ABCE1: variants seen among roughly 807,000 people sequenced by gnomAD.
ABCE1 encodes the protein ATP binding cassette subfamily E member 1, also known as ATP-binding cassette sub-family E member 1.
Under a neutral mutation model 83.4 loss-of-function variants are expected in ABCE1, and 22 were observed. The observed-to-expected ratio is 0.26, with a 90% CI of 0.19 to 0.38. The LOEUF (loss-of-function observed/expected upper bound fraction) is 0.38. ABCE1 is among the 10% of genes least tolerant of loss of function. The pLI, the probability that ABCE1 is intolerant of heterozygous loss-of-function variation, is 1.00. For synonymous variants in ABCE1, 204 were observed against 233.7 expected, an observed-to-expected ratio of 0.87 and a Z score of 1.16; for missense variants, 330 against 721.9, an observed-to-expected ratio of 0.46 and a Z score of 6.22.
chr4:145,117,272 A>G (rs750187162), intron 9 of ABCE1, 21 bp from the exon 10 acceptor site: 1 of 1,586,056 alleles, frequency 6.3e-7, no homozygotes, highest in Non-Finnish European at 8.6e-7. Flanking sequence ...AGTTTTAACT[A>G]AAATCTGGTT....
Position 145,104,387 on chromosome 4 carries a change from A to C in ABCE1, c.-26A>C. 5 of 1,489,074 alleles carry C rather than the reference A, an allele frequency of 3.4e-6. No homozygotes were observed. Among genetic ancestry groups the C allele is most frequent in the Non-Finnish European group, 4.6e-6 (5 of 1,087,976 alleles). 92.2% of individuals were successfully genotyped at this position (1,489,074 alleles called of 1,614,324 possible). A position where few individuals can be genotyped will look rare whatever the true frequency, so the allele number is the denominator to read the frequency against. ...AATTTGTTGATTTTTCTTTCATAGA[A>C]GAGCTGGATATTCTTTCGCCCAGTT... On this transcript the variant is annotated splice_region_variant and 5_prime_UTR_variant, in exon 2 of 18. Coordinates refer to ENST00000296577, the MANE Select transcript of ABCE1 (RefSeq NM_002940.3).
At chr4:145,120,280 A>G (rs749634675) in intron 11 of ABCE1, 127 bp downstream of exon 11, 173 of 774,258 alleles carry the variant, frequency 2.2e-4, no homozygotes, top group Admixed American at 6.9e-4. Flanking sequence ...TTAAACCCAC[A>G]AATTTCTTAG....
intron 9 of ABCE1, among the ~76,000 whole-genome samples, chr4:145,116,307 G>C (rs1024350614): frequency 6.6e-6 from 1 of 151,724 alleles, no homozygotes; most frequent in Admixed American, 6.6e-5. Flanking sequence ...CACATCAGGG[G>C]ACCTAAAGAA....
rs2126710008 is a variant in ABCE1 at position 145,117,380 on chromosome 4, T to C, written c.888T>C (p.Tyr296=). 6.2e-7 allele frequency: 1 copy of C among 1,611,362 alleles called. No individual in the cohort carries two copies. The highest frequency in any genetic ancestry group is 8.5e-7 in the Non-Finnish European group (1 of 1,178,298). Residue 296 remains tyrosine (Y), a synonymous_variant, in exon 10 of 18, where the codon TAT becomes TAC. Coordinates refer to ENST00000296577, the MANE Select transcript of ABCE1 (RefSeq NM_002940.3). ...ICCLYGVPSA[Y]GVVTMPFSVR... ...GTTTATATGGTGTACCAAGCGCCTA[T>C]GGAGTTGTCACTATGCCTTTTAGTG...
intron 4 of ABCE1, 104 bp downstream of exon 4, chr4:145,108,216 C>G (rs1749360679): frequency 2.1e-6 from 2 of 957,396 alleles, no homozygotes; most frequent in Admixed American, 4.1e-5. Context: ...ATTAACCAGT[C>G]ACTAAAGGAA....
chr4:145,125,496 C>A (rs1260055040), intron 17 of ABCE1, among the ~76,000 whole-genome samples: 2 of 151,966 alleles, frequency 1.3e-5, no homozygotes, highest in Non-Finnish European at 2.9e-5. Flanking sequence ...AAAAAACAAC[C>A]ATATTTTATT....
intron 10 of ABCE1, among the ~76,000 whole-genome samples, chr4:145,118,282 C>CT (rs36114072): frequency 1.4e-5 from 2 of 145,046 alleles, no homozygotes; most frequent in South Asian, 2.2e-4. Flanking sequence ...TTGGAGGAAT[C>CT]TTTTTTATAC....
chr4:145,110,785 G>C (rs997321542), intron 7 of ABCE1, 183 bp from the exon 8 acceptor site: 5 of 563,208 alleles, frequency 8.9e-6, no homozygotes, highest in Middle Eastern at 4.7e-4. Flanking sequence ...ATTTCAATAG[G>C]CCCTGAACTT....
chr4:145,099,864 A>G (rs1749083276), intron 1 of ABCE1, among the ~76,000 whole-genome samples: 1 of 152,206 alleles, frequency 6.6e-6, no homozygotes, highest in Non-Finnish European at 1.5e-5. Flanking sequence ...AGCTGTAAGA[A>G]TGACACTGAG....
At chr4:145,103,885 C>T (rs780887208) in intron 1 of ABCE1, among the ~76,000 whole-genome samples, 2 of 151,776 alleles carry the variant, frequency 1.3e-5, no homozygotes, top group Non-Finnish European at 2.9e-5. Context: ...CCTCAGCCTC[C>T]GGAATAGCTG....
intron 11 of ABCE1, among the ~76,000 whole-genome samples, chr4:145,120,360 A>T (rs919254552): frequency 2.0e-5 from 3 of 152,008 alleles, no homozygotes; most frequent in African/African-American, 7.2e-5. Context: ...AATAGTTCTT[A>T]TTTTGTTTTA....
chr4:145,126,663 T>G (rs990357889), intron 17 of ABCE1, among the ~76,000 whole-genome samples: 2 of 152,218 alleles, frequency 1.3e-5, no homozygotes, highest in Non-Finnish European at 2.9e-5. Context: ...TCCATCATCC[T>G]TAATGCTTAA....
intron 1 of ABCE1, among the ~76,000 whole-genome samples, chr4:145,100,138 T>G (rs1749099307): frequency 6.6e-6 from 1 of 152,236 alleles, no homozygotes; most frequent in Admixed American, 6.5e-5. Flanking sequence ...GCATTACAAT[T>G]TATCACTATT....
At chr4:145,110,908 A>T in intron 7 of ABCE1, 60 bp from the exon 8 acceptor site, 2 of 1,120,746 alleles carry the variant, frequency 1.8e-6, no homozygotes, top group Non-Finnish European at 1.3e-6. Context: ...GACATGCAGT[A>T]TACTTTTTAC....
At position 145,128,737 on chromosome 4, in the gene ABCE1, G is replaced by C. The variant is rs1749959904; in HGVS notation, c.*1164G>C. 3 of 152,042 alleles carry C rather than the reference G, an allele frequency of 2.0e-5. No individual in the cohort carries two copies. In the South Asian group the frequency reaches 6.2e-4, roughly 31 times the overall value. 9.4% of individuals were successfully genotyped at this position (152,042 alleles called of 1,614,324 possible). A position where few individuals can be genotyped will look rare whatever the true frequency, so the allele number is the denominator to read the frequency against. Reference sequence around the variant, plus strand: ...AGAGTGTTTACTAAATAAATGACTGGGGCAAGCAAAATTGAGGAGGAAATT... The same window carrying C: ...AGAGTGTTTACTAAATAAATGACTGCGGCAAGCAAAATTGAGGAGGAAATT... On this transcript the variant is annotated 3_prime_UTR_variant, in exon 18 of 18. Transcript: ENST00000296577.
chr4:145,114,662 G>A (rs944008134), intron 9 of ABCE1, among the ~76,000 whole-genome samples: 2 of 151,432 alleles, frequency 1.3e-5, no homozygotes, highest in Admixed American at 6.6e-5. Context: ...GATGGACCTC[G>A]GGGAAAAAAA....
At chr4:145,118,641 C>T (rs1009317127) in intron 10 of ABCE1, among the ~76,000 whole-genome samples, 5 of 151,984 alleles carry the variant, frequency 3.3e-5, no homozygotes, top group Admixed American at 2.6e-4. Flanking sequence ...TTCTTCACAA[C>T]TCCAGTTATA....
At chr4:145,125,913 C>A (rs150446247) in intron 17 of ABCE1, among the ~76,000 whole-genome samples, 5 of 151,758 alleles carry the variant, frequency 3.3e-5, no homozygotes, top group African/African-American at 9.7e-5. Context: ...TGGTGGCATG[C>A]GCCTGTAATC....
In ABCE1 at chr4:145,127,664, C is replaced by T; in HGVS notation, c.*91C>T. ...TAAAACTTGAATCAGGATTTTATGCCCCACATACTCTGGAACTTGAAGTAT... is the reference window on the plus strand; with the variant it reads ...TAAAACTTGAATCAGGATTTTATGCTCCACATACTCTGGAACTTGAAGTAT... On this transcript the variant is annotated 3_prime_UTR_variant, in exon 18 of 18. Transcript: ENST00000296577. The T allele has an allele frequency of 1.1e-6, 1 of 947,786 alleles. No individual in the cohort carries two copies. The highest frequency in any genetic ancestry group is 3.0e-5 in the Admixed American group (1 of 33,254). The allele number at this position is 947,786 out of a possible 1,614,324, so 58.7% of individuals were successfully genotyped here. A position where few individuals can be genotyped will look rare whatever the true frequency, so the allele number is the denominator to read the frequency against.
Sources: allele counts gnomAD v4.1 joint callset (sites outside exome capture counted in the v4.1 genomes callset), GRCh38; gene constraint gnomAD v4.1.1; transcripts MANE v1.5; gene names NCBI Gene and HGNC (gene_info 2026-07-23, HGNC 2026-07-21).